The following ARMC9 variants were observed in gnomAD, a reference collection of about 807,000 sequenced individuals.
The protein encoded by ARMC9 is lisH domain-containing protein ARMC9.
ARMC9 carries 94 observed loss-of-function variants against 107.0 expected under a neutral mutation model. The observed-to-expected ratio is 0.88, with a 90% CI of 0.74 to 1.04. ARMC9 has a LOEUF of 1.04. Ranked by LOEUF, ARMC9 falls within the 50% of genes least tolerant of loss-of-function variation. ARMC9 has a pLI of 0.00. For synonymous variants in ARMC9, 380 were observed against 396.9 expected, an observed-to-expected ratio of 0.96 and a Z score of 0.51; for missense variants, 942 against 1,030.1, an observed-to-expected ratio of 0.91 and a Z score of 1.17.
intron 20 of ARMC9, among the ~76,000 whole-genome samples, chr2:231,337,612 G>A (rs1281050438): frequency 6.7e-6 from 1 of 149,016 alleles, no homozygotes; most frequent in Non-Finnish European, 1.5e-5. Flanking sequence ...TGGGACTACA[G>A]GCGCCCGCCA....
intron 12 of ARMC9, among the ~76,000 whole-genome samples, chr2:231,266,981 T>C (rs1303092557): frequency 6.6e-6 from 1 of 152,216 alleles, no homozygotes; most frequent in African/African-American, 2.4e-5. Context: ...AGTGTTTGCT[T>C]TTGTGCTGAG....
chr2:231,309,787 TG>T (rs2042235786), intron 19 of ARMC9, among the ~76,000 whole-genome samples: 1 of 152,080 alleles, frequency 6.6e-6, no homozygotes, highest in African/African-American at 2.4e-5. Flanking sequence ...TCAAAACTGA[TG>T]TTTATGCTGA....
chr2:231,235,489 C>A, intron 8 of ARMC9, 108 bp downstream of exon 8: 1 of 1,302,072 alleles, frequency 7.7e-7, no homozygotes, highest in Non-Finnish European at 1.0e-6. Context: ...CCATTCCAAG[C>A]CAGTGGCGCC....
intron 18 of ARMC9, among the ~76,000 whole-genome samples, chr2:231,291,949 A>G (rs1008991810): frequency 2.0e-5 from 3 of 150,998 alleles, no homozygotes; most frequent in Non-Finnish European, 4.4e-5. Flanking sequence ...CAGGCAGATC[A>G]CTTGAGGTCA....
intron 9 of ARMC9, among the ~76,000 whole-genome samples, chr2:231,245,939 C>A (rs1217284117): frequency 6.6e-6 from 1 of 152,186 alleles, no homozygotes; most frequent in Non-Finnish European, 1.5e-5. Context: ...CAAGCCTCTG[C>A]CCTAAGAGCA....
rs2046126835 is a variant in ARMC9, at chr2:231,374,215, G to A, written c.*2680G>A. 6.6e-6 allele frequency: 1 copy of A among 152,140 alleles called. No homozygotes were observed. The highest frequency in any genetic ancestry group is 2.4e-5 in the African/African-American group (1 of 41,430). 9.4% of individuals were successfully genotyped at this position (152,140 alleles called of 1,614,324 possible). ...CTCCAGATGGAGATCCAAGCAGATGGCGCCTAAGGTTTGCCCTTGAAAACT... is the reference window on the plus strand; with the variant it reads ...CTCCAGATGGAGATCCAAGCAGATGACGCCTAAGGTTTGCCCTTGAAAACT... On this transcript the variant is annotated 3_prime_UTR_variant, in exon 25 of 25. Transcript: ENST00000611582.
At position 231,373,895 on chromosome 2, in the gene ARMC9, CAA is replaced by C. The variant is rs35285848; in HGVS notation, c.*2375_*2376del. The C allele has an allele frequency of 0.13, 18,650 of 139,774 alleles. 2,037 individuals carry two copies. Among genetic ancestry groups the C allele is most frequent in the African/African-American group, 0.3 (11,677 of 38,608 alleles). 8.7% of individuals were successfully genotyped at this position (139,774 alleles called of 1,614,324 possible). Reference sequence around the variant, plus strand: ...CCAGCCTGGGCGACAGAGACTCCGTCAAAAAAAAAAAAAAAATACATTGAGAT... The same window carrying C: ...CCAGCCTGGGCGACAGAGACTCCGTCAAAAAAAAAAAAAATACATTGAGAT... On this transcript the variant is annotated 3_prime_UTR_variant, in exon 25 of 25. Transcript: ENST00000611582. The surrounding 1 kb of genome is among the most constrained non-coding windows in gnomAD (Gnocchi z 4.4).
chr2:231,371,869 C>T lies in ARMC9; in HGVS notation c.*334C>T. The T allele has an allele frequency of 3.6e-6, 1 of 274,656 alleles. No individual in the cohort carries two copies. The highest frequency in any genetic ancestry group is 6.8e-6 in the Non-Finnish European group (1 of 147,124). The allele number at this position is 274,656 out of a possible 1,614,324, so 17.0% of individuals were successfully genotyped here. A position where few individuals can be genotyped will look rare whatever the true frequency, so the allele number is the denominator to read the frequency against. On this transcript the variant is annotated 3_prime_UTR_variant, in exon 25 of 25. Transcript: ENST00000611582. ...CTTCTGGCCCCAGAAACAGCAGGTG[C>T]TGGATTTGCAGCCCTGGCCCTCCAG...
intron 12 of ARMC9, among the ~76,000 whole-genome samples, chr2:231,265,471 A>C (rs2038776432): frequency 6.6e-6 from 1 of 152,212 alleles, no homozygotes; most frequent in South Asian, 2.1e-4. Flanking sequence ...TGGAGGCCTT[A>C]TTCTAAGTGG....
In ARMC9 at chr2:231,375,389, G is replaced by A. The variant is rs903861898; in HGVS notation, c.*3854G>A. Among the ~76,000 whole-genome samples the A allele has an allele frequency of 2.0e-5, 3 of 152,234 alleles. No homozygotes were observed. Among genetic ancestry groups the A allele is most frequent in the Non-Finnish European group, 4.4e-5 (3 of 68,044 alleles). ...GACCACATGGCCAAGGCCCAAGTCT[G>A]TGTGAAAGGATGTGGATACAGGGAC... is the stretch of plus-strand genomic sequence containing the variant. On this transcript the variant is annotated 3_prime_UTR_variant, in exon 25 of 25. Coordinates refer to ENST00000611582, the MANE Select transcript of ARMC9 (RefSeq NM_001352754.2). The surrounding 1 kb of genome is among the most constrained non-coding windows in gnomAD (Gnocchi z 4.3).
At chr2:231,310,197 C>A (rs1024892494) in intron 19 of ARMC9, among the ~76,000 whole-genome samples, 2 of 151,602 alleles carry the variant, frequency 1.3e-5, no homozygotes, top group African/African-American at 4.9e-5. Flanking sequence ...GGAGGATCAC[C>A]TGAGGTCGGG....
chr2:231,207,335 T>G (rs2032160925), intron 2 of ARMC9, among the ~76,000 whole-genome samples: 1 of 152,008 alleles, frequency 6.6e-6, no homozygotes, highest in Non-Finnish European at 1.5e-5. Flanking sequence ...TTTAAAAATT[T>G]ATTTATTTGA....
chr2:231,264,834 C>T (rs543513082), intron 12 of ARMC9, among the ~76,000 whole-genome samples: 18 of 152,028 alleles, frequency 1.2e-4, no homozygotes, highest in Non-Finnish European at 2.2e-4. Flanking sequence ...CTGCTGGGCA[C>T]AGTGGCTCAT....
At chr2:231,248,893 T>C (rs974718144) in intron 9 of ARMC9, among the ~76,000 whole-genome samples, 4 of 143,110 alleles carry the variant, frequency 2.8e-5, no homozygotes, top group Admixed American at 2.1e-4. Flanking sequence ...TGGGCCTCCA[T>C]CGCCTGCCCA....
chr2:231,339,277 G>A (rs907023632), intron 20 of ARMC9, among the ~76,000 whole-genome samples: 3 of 151,584 alleles, frequency 2.0e-5, no homozygotes, highest in African/African-American at 7.3e-5. Context: ...GCAGTGAGCC[G>A]AGATCGCGCC....
At chr2:231,356,331 A>G (rs1295620698) in intron 22 of ARMC9, among the ~76,000 whole-genome samples, 1 of 152,248 alleles carries the variant, frequency 6.6e-6, no homozygotes, top group Non-Finnish European at 1.5e-5. Context: ...GAAATGTGCA[A>G]CTAAGAGCAC....
chr2:231,359,642 G>A (rs766500079), intron 22 of ARMC9, among the ~76,000 whole-genome samples: 2 of 152,178 alleles, frequency 1.3e-5, no homozygotes, highest in Non-Finnish European at 2.9e-5. Flanking sequence ...GTTCCCCTGC[G>A]TGTAGCCCAG....
At chr2:231,216,112 G>A (rs569358616) in intron 4 of ARMC9, among the ~76,000 whole-genome samples, 4 of 152,308 alleles carry the variant, frequency 2.6e-5, no homozygotes, top group South Asian at 4.1e-4. Context: ...TCCACATGGA[G>A]TAGTGACACA....
intron 22 of ARMC9, among the ~76,000 whole-genome samples, chr2:231,356,979 T>A (rs1034955668): frequency 1.2e-4 from 18 of 152,148 alleles, no homozygotes; most frequent in Non-Finnish European, 1.5e-4. Context: ...ACATCCTTGC[T>A]TTACCAAAAT....
Sources: allele counts gnomAD v4.1 joint callset (sites outside exome capture counted in the v4.1 genomes callset), GRCh38; gene constraint gnomAD v4.1.1; non-coding constraint Gnocchi (gnomAD v3.1); transcripts MANE v1.5; gene names NCBI Gene and HGNC (gene_info 2026-07-23, HGNC 2026-07-21).